Variants in DARS1 observed in about 807,000 individuals in gnomAD.
The protein encoded by DARS1 is aspartate--tRNA ligase, cytoplasmic.
In DARS1, 51 loss-of-function variants were observed where a neutral mutation model predicts 68.8. That is an observed-to-expected ratio of 0.74 (90% CI 0.59 to 0.94). The LOEUF is 0.94. Among genes scored for constraint, DARS1 ranks in the 40% least tolerant of loss-of-function variants. The pLI is 0.00. For missense variants in DARS1, 607 were observed against 597.3 expected (o/e 1.02, Z -0.17); for synonymous variants, 203 against 190.4 (o/e 1.07, Z -0.55).
chr2:135,925,773 G>C (rs1575387681), intron 7 of DARS1, among the ~76,000 whole-genome samples: 1 of 152,106 alleles, frequency 6.6e-6, no homozygotes, highest in African/African-American at 2.4e-5. Flanking sequence ...TGAAACGTCT[G>C]GTTCATCCAA....
At chr2:135,981,333 TC>T (rs1417571801) in intron 2 of DARS1, among the ~76,000 whole-genome samples, 1 of 152,144 alleles carries the variant, frequency 6.6e-6, no homozygotes, top group Non-Finnish European at 1.5e-5. Context: ...AAGTGTCTCC[TC>T]CTGCTTGCCC....
intron 3 of DARS1, 30 bp downstream of exon 3, chr2:135,979,244 A>G (rs1682567992): frequency 2.1e-6 from 2 of 948,646 alleles, no homozygotes; most frequent in Non-Finnish European, 3.5e-6. Flanking sequence ...GTCCTTACCG[A>G]AAGAGCTTTA....
Position 135,912,486 on chromosome 2 carries a change from G to A in DARS1, c.1230C>T (p.Pro410=), listed in dbSNP as rs202046888. 5 of 1,009,858 alleles carry A rather than the reference G, an allele frequency of 5.0e-6. No individual in the cohort carries two copies. Among genetic ancestry groups the A allele is most frequent in the Non-Finnish European group, 6.1e-6 (4 of 653,420 alleles). 62.6% of individuals were successfully genotyped at this position (1,009,858 alleles called of 1,614,324 possible). A position where few individuals can be genotyped will look rare whatever the true frequency, so the allele number is the denominator to read the frequency against. Residue 410 remains proline (P), a splice_region_variant and synonymous_variant, in exon 13 of 16, where the codon CCC becomes CCT. Transcript: ENST00000264161. ...PFYTMPDPRN[P]KQSNSYDMFM... ...GGTTACTTAAAACCAAATTACTTAC[G>A]GGATTTCTTGGGTCAGGCATGGTAT...
intron 4 of DARS1, among the ~76,000 whole-genome samples, chr2:135,948,596 G>A (rs1022784760): frequency 6.6e-6 from 1 of 152,166 alleles, no homozygotes; most frequent in African/African-American, 2.4e-5. Flanking sequence ...TGGGTACAGT[G>A]GCTCATGCCT....
At chr2:135,927,571 T>TA (rs771974336) in intron 7 of DARS1, among the ~76,000 whole-genome samples, 29 of 151,986 alleles carry the variant, frequency 1.9e-4, no homozygotes, top group African/African-American at 5.5e-4. Flanking sequence ...CCATAATATG[T>TA]AAAAAAAATA....
chr2:135,943,962 A>C (rs894595004), intron 4 of DARS1, among the ~76,000 whole-genome samples: 15 of 152,284 alleles, frequency 9.9e-5, no homozygotes, highest in African/African-American at 3.4e-4. Context: ...TTTTGCAATT[A>C]AATCCTCACT....
At chr2:135,913,909 A>T (rs1188798247) in intron 12 of DARS1, among the ~76,000 whole-genome samples, 1 of 152,364 alleles carries the variant, frequency 6.6e-6, no homozygotes, top group Non-Finnish European at 1.5e-5. Context: ...GACTTCAGAA[A>T]TATCAGTTCT....
Position 135,981,674 on chromosome 2 carries a change from C to CTTTTTTTTTTTT in DARS1, c.124+1711_124+1722dup, listed in dbSNP as rs1312008531. 2.7e-3 allele frequency among the ~76,000 whole-genome samples: 377 copies of CTTTTTTTTTTTT among 140,484 alleles called. 4 individuals are homozygous for CTTTTTTTTTTTT. Among genetic ancestry groups the CTTTTTTTTTTTT allele is most frequent in the South Asian group, 0.018 (78 of 4,398 alleles). The allele number at this position is 140,484 out of a possible 152,430, so 92.2% of individuals were successfully genotyped here. The stretch of plus-strand genomic sequence containing the variant: ...TGGAAATGATTTTCAGAAATTTTGG[C>CTTTTTTTTTTTT]TTTTTTTTTTTTTTGACAGGGTCTC... On this transcript the variant is annotated intron_variant, in intron 2 of 15. Coordinates refer to ENST00000264161, the MANE Select transcript of DARS1 (RefSeq NM_001349.4).
chr2:135,923,422 T>A (rs1353466929), intron 8 of DARS1, among the ~76,000 whole-genome samples: 4 of 152,050 alleles, frequency 2.6e-5, no homozygotes, highest in African/African-American at 9.7e-5. Context: ...CCCAAGTAGC[T>A]GGGACTACAG....
At chr2:135,916,396 A>G in intron 10 of DARS1, 24 bp from the exon 11 acceptor site, 1 of 1,380,706 alleles carries the variant, frequency 7.2e-7, no homozygotes, top group African/African-American at 1.4e-5. Flanking sequence ...GATTTAGTTA[A>G]TAAAATGTAT....
Position 135,939,874 on chromosome 2 carries a change from A to G in DARS1, c.423+3504T>C, listed in dbSNP as rs532490302. ...ACAAACTACCATCAGAGAATACTAT[A>G]AACACCTCTATGCAAATAAACTAGA... On this transcript the variant is annotated intron_variant, in intron 5 of 15. Transcript: ENST00000264161. Among the ~76,000 whole-genome samples, 236 of 152,334 alleles carry G rather than the reference A, an allele frequency of 1.5e-3. 2 individuals are homozygous for G. The highest frequency in any genetic ancestry group is 5.3e-3 in the African/African-American group (219 of 41,574).
At position 135,920,591 on chromosome 2, in the gene DARS1, G is replaced by C. The variant is rs369152939; in HGVS notation, c.821C>G (p.Ala274Gly). 4 of 1,598,230 alleles carry C rather than the reference G, an allele frequency of 2.5e-6. No homozygotes were observed. The African/African-American group carries it at 5.4e-5, about 22-fold the overall frequency. Residue 274 changes from alanine (A) to glycine (G), a missense_variant, in exon 10 of 16, where the codon GCG becomes GGG. Coordinates refer to ENST00000264161, the MANE Select transcript of DARS1 (RefSeq NM_001349.4). Reference sequence around the variant, plus strand: ...ATGTCTATGGGTATTAGAGTCTTCCGCTCTGAATACTGTGAAGTTAATAAA... The same window carrying C: ...ATGTCTATGGGTATTAGAGTCTTCCCCTCTGAATACTGTGAAGTTAATAAA... ...KVFSIGPVFRAEDSNTHRHLT... is the reference protein window; with the variant it reads ...KVFSIGPVFRGEDSNTHRHLT...
chr2:135,971,944 C>CA (rs1558799592), intron 3 of DARS1, among the ~76,000 whole-genome samples: 1 of 151,686 alleles, frequency 6.6e-6, no homozygotes, highest in East Asian at 1.9e-4. Flanking sequence ...AGAGGAAACA[C>CA]AAAAAATGGA....
chr2:135,907,118 C>T lies in DARS1; in HGVS notation c.*198G>A. 2.4e-6 allele frequency: 1 copy of T among 417,610 alleles called. No individual in the cohort carries two copies. Among genetic ancestry groups the T allele is most frequent in the Non-Finnish European group, 4.3e-6 (1 of 232,980 alleles). 25.9% of individuals were successfully genotyped at this position (417,610 alleles called of 1,614,324 possible). Reference sequence around the variant, plus strand: ...AAAATCTCTTTTAAACGAACCTATACTGAATTACTCCAAAAATAACAGTGA... The same window carrying T: ...AAAATCTCTTTTAAACGAACCTATATTGAATTACTCCAAAAATAACAGTGA... On this transcript the variant is annotated 3_prime_UTR_variant, in exon 16 of 16. Transcript: ENST00000264161.
rs1389568821 is a variant in DARS1 at position 135,974,096 on chromosome 2, T to A, written c.217+5178A>T. On this transcript the variant is annotated intron_variant, in intron 3 of 15. Coordinates refer to ENST00000264161, the MANE Select transcript of DARS1 (RefSeq NM_001349.4). ...ACAAAAGTTTTTAAAAGTCCTTTTT[T>A]AAAAGGCATAAATGTGGCATTAAAG... is the stretch of plus-strand genomic sequence containing the variant. Among the ~76,000 whole-genome samples the A allele has an allele frequency of 3.9e-5, 6 of 152,314 alleles. No homozygotes were observed. In the South Asian group the frequency reaches 6.2e-4, roughly 16 times the overall value.
At chr2:135,921,455 G>A (rs1681109256) in intron 9 of DARS1, among the ~76,000 whole-genome samples, 1 of 151,900 alleles carries the variant, frequency 6.6e-6, no homozygotes, top group South Asian at 2.1e-4. Context: ...TGTCCTTAAA[G>A]TACATCTCAG....
chr2:135,924,620 T>G (rs554762293), intron 7 of DARS1, 122 bp from the exon 8 acceptor site: 1 of 1,400,218 alleles, frequency 7.1e-7, no homozygotes, highest in Non-Finnish European at 9.4e-7. Context: ...ATTCTAATAA[T>G]TGGAGAGAAG....
At chr2:135,960,896 C>T (rs553612788) in intron 4 of DARS1, among the ~76,000 whole-genome samples, 16 of 152,340 alleles carry the variant, frequency 1.1e-4, no homozygotes, top group African/African-American at 3.6e-4. Flanking sequence ...TACCTTTTTT[C>T]TCCTAAACCC....
chr2:135,932,578 T>C (rs1681374952), intron 7 of DARS1, among the ~76,000 whole-genome samples: 1 of 152,200 alleles, frequency 6.6e-6, no homozygotes. Context: ...AAAGTCAATA[T>C]CCTGTTAACT....
Sources: gnomAD v4.1 joint callset for allele counts (sites outside exome capture counted in the v4.1 genomes callset) on GRCh38, gnomAD v4.1.1 for gene constraint, MANE v1.5 for transcripts, NCBI Gene and HGNC (gene_info 2026-07-23, HGNC 2026-07-21) for gene names.